Variants in IQCK observed in about 807,000 individuals in gnomAD.
The protein encoded by IQCK is IQ domain-containing protein K.
Under a neutral mutation model 28.1 loss-of-function variants are expected in IQCK, and 29 were observed. The ratio of observed to expected loss-of-function variants is 1.03; its 90% CI spans 0.77 to 1.41. The LOEUF is 1.41. Ranked by LOEUF, IQCK falls within the 40% of genes most tolerant of loss-of-function variation. The probability of loss-of-function intolerance (pLI) is 0.00; values close to 1 mark genes in which losing one functional copy is unlikely to be tolerated. For synonymous variants in IQCK, 113 were observed against 115.1 expected, an observed-to-expected ratio of 0.98 and a Z score of 0.12; for missense variants, 359 against 314.7, an observed-to-expected ratio of 1.14 and a Z score of -1.07.
intron 6 of IQCK, among the ~76,000 whole-genome samples, chr16:19,777,946 C>G (rs552528904): frequency 6.6e-6 from 1 of 151,978 alleles, no homozygotes; most frequent in East Asian, 1.9e-4. Flanking sequence ...CCAGTTACTC[C>G]GGAGGCTGAG....
intron 9 of IQCK, among the ~76,000 whole-genome samples, chr16:19,838,055 C>G (rs567862428): frequency 1.6e-4 from 24 of 152,320 alleles, no homozygotes; most frequent in Admixed American, 6.5e-4. Context: ...AACAGCAAAA[C>G]AGAATATCCC....
intron 9 of IQCK, among the ~76,000 whole-genome samples, chr16:19,854,819 G>A (rs950876411): frequency 4.6e-5 from 7 of 152,214 alleles, no homozygotes; most frequent in African/African-American, 1.2e-4. Flanking sequence ...GAGGTGTGGC[G>A]CATCCTTGAC....
At chr16:19,739,877 T>C (rs935190726) in intron 4 of IQCK, among the ~76,000 whole-genome samples, 1 of 152,218 alleles carries the variant, frequency 6.6e-6, no homozygotes, top group African/African-American at 2.4e-5. Context: ...ACTGGCATCC[T>C]ATGCACCATC....
At chr16:19,761,161 G>A in intron 4 of IQCK, 2 of 316,122 alleles carry the variant, frequency 6.3e-6, no homozygotes, top group Non-Finnish European at 1.3e-5. Context: ...CAGCCCAATA[G>A]GTCTCAGCCT....
At chr16:19,838,341 T>C (rs1173953277) in intron 9 of IQCK, among the ~76,000 whole-genome samples, 12 of 152,234 alleles carry the variant, frequency 7.9e-5, no homozygotes, top group Non-Finnish European at 2.9e-5. Context: ...AATTCGGTAT[T>C]TGGCAATTTG....
At chr16:19,819,865 C>G (rs1490214959) in intron 7 of IQCK, among the ~76,000 whole-genome samples, 1 of 151,522 alleles carries the variant, frequency 6.6e-6, no homozygotes, top group East Asian at 1.9e-4. Context: ...TACAGAAAGT[C>G]CATACAGTTT....
At chr16:19,735,314 T>C (rs1314311586) in intron 3 of IQCK, 39 bp from the exon 4 acceptor site, 1 of 1,439,442 alleles carries the variant, frequency 6.9e-7, no homozygotes, top group Non-Finnish European at 9.8e-7. Context: ...CTCGGGCCAC[T>C]GGGGATTTGC....
intron 4 of IQCK, among the ~76,000 whole-genome samples, chr16:19,742,323 G>C (rs1007572494): frequency 2.0e-5 from 3 of 152,170 alleles, no homozygotes; most frequent in Non-Finnish European, 4.4e-5. Flanking sequence ...TCCTGACTTA[G>C]GGTTTTTTAA....
At chr16:19,803,400 C>G (rs1334890568) in intron 7 of IQCK, among the ~76,000 whole-genome samples, 2 of 152,152 alleles carry the variant, frequency 1.3e-5, no homozygotes, top group Non-Finnish European at 2.9e-5. Context: ...ACCTCAGCCT[C>G]CCGAGGTGCT....
exon 10 of IQCK, chr16:19,857,191 A>G: frequency 3.8e-6 from 1 of 260,074 alleles, no homozygotes. Flanking sequence ...TTTGCTGTTA[A>G]CCAAGATTCT....
At chr16:19,776,535 T>C (rs576252455) in intron 6 of IQCK, among the ~76,000 whole-genome samples, 1 of 152,092 alleles carries the variant, frequency 6.6e-6, no homozygotes, top group East Asian at 1.9e-4. Context: ...TGAAACTCCG[T>C]CTCTACTAAA....
chr16:19,842,491 A>T (rs940609162), intron 9 of IQCK, among the ~76,000 whole-genome samples: 1 of 152,360 alleles, frequency 6.6e-6, no homozygotes, highest in South Asian at 2.1e-4. Context: ...CTTGGGAAAT[A>T]ACCATATTAA....
intron 6 of IQCK, among the ~76,000 whole-genome samples, chr16:19,782,923 T>C (rs956795392): frequency 6.6e-6 from 1 of 152,132 alleles, no homozygotes; most frequent in African/African-American, 2.4e-5. Flanking sequence ...CATACATTTA[T>C]ATATACACAA....
At chr16:19,844,705 A>G (rs540461332) in intron 9 of IQCK, among the ~76,000 whole-genome samples, 1 of 152,148 alleles carries the variant, frequency 6.6e-6, no homozygotes, top group Non-Finnish European at 1.5e-5. Flanking sequence ...AACTCAAAGG[A>G]TGTTAATTCC....
At chr16:19,837,554 G>T (rs1270709582) in intron 9 of IQCK, among the ~76,000 whole-genome samples, 1 of 152,166 alleles carries the variant, frequency 6.6e-6, no homozygotes, top group Non-Finnish European at 1.5e-5. Flanking sequence ...GTCACAAAGG[G>T]CTACTGTGAG....
intron 3 of IQCK, among the ~76,000 whole-genome samples, chr16:19,734,391 C>T (rs1157979843): frequency 7.0e-6 from 1 of 142,458 alleles, no homozygotes; most frequent in Non-Finnish European, 1.5e-5. Context: ...ACCTGGGAGG[C>T]GGAGGTTGCA....
chr16:19,723,786 T>C (rs1977569231), intron 1 of IQCK, among the ~76,000 whole-genome samples: 1 of 151,988 alleles, frequency 6.6e-6, no homozygotes. Context: ...AAACCCCATC[T>C]CTACTAAAAT....
rs976845624 is a variant in IQCK at position 19,843,736 on chromosome 16, T to C, written c.803-12751T>C. On this transcript the variant is annotated intron_variant, in intron 9 of 9. Coordinates refer to the IQCK transcript ENST00000320394. ...GGCTTGCAGACAGCCACCTTCTTGC[T>C]GGGTCATCACATGGGAGAGGGAGCT... Among the ~76,000 whole-genome samples the C allele has an allele frequency of 4.6e-5, 7 of 152,238 alleles. No individual in the cohort carries two copies. The South Asian group carries it at 6.2e-4, about 14-fold the overall frequency.
chr16:19,805,019 G>A (rs544798324), intron 7 of IQCK, among the ~76,000 whole-genome samples: 460 of 152,044 alleles, frequency 3.0e-3, no homozygotes, highest in Non-Finnish European at 5.3e-3. Flanking sequence ...AGAGAGGGGC[G>A]TCTCCTGCTG....
Sources: allele counts gnomAD v4.1 joint callset (sites outside exome capture counted in the v4.1 genomes callset), GRCh38; gene constraint gnomAD v4.1.1; transcripts MANE v1.5; gene names NCBI Gene and HGNC (gene_info 2026-07-23, HGNC 2026-07-21).